The following HPS4 variants were observed in gnomAD, a reference collection of about 807,000 sequenced individuals.
The protein encoded by HPS4 is HPS4 biogenesis of lysosomal organelles complex 3 subunit 2, also known as BLOC-3 complex member HPS4.
A neutral mutation model predicts 70.3 loss-of-function variants in HPS4; 44 were observed. The ratio of observed to expected loss-of-function variants is 0.63; its 90% CI spans 0.49 to 0.80. HPS4 has a LOEUF of 0.80. HPS4 is among the 30% of genes least tolerant of loss of function. The pLI is 0.00. For synonymous variants in HPS4, 377 were observed against 355.9 expected (o/e 1.06, Z -0.67); for missense variants, 873 against 884.4 (o/e 0.99, Z 0.16).
rs1243622138 is a variant in HPS4 at position 26,451,105 on chromosome 22, C to T, written c.*2128G>A. ...TGGCACTCGGTGTCAACTAGGAGTC[C>T]AGGGTGGGCAGGCTGTCCTGCACAC... On this transcript the variant is annotated 3_prime_UTR_variant, in exon 14 of 14. Transcript: ENST00000398145. Among the ~76,000 whole-genome samples the T allele has an allele frequency of 6.6e-6, 1 of 152,168 alleles. No homozygotes were observed. Among genetic ancestry groups the T allele is most frequent in the African/African-American group, 2.4e-5 (1 of 41,432 alleles).
At position 26,464,840 on chromosome 22, in the gene HPS4, G is replaced by C. The variant is rs1348117942; in HGVS notation, c.804-14C>G. 6.3e-7 allele frequency: 1 copy of C among 1,585,744 alleles called. No individual in the cohort carries two copies. Among genetic ancestry groups the C allele is most frequent in the East Asian group, 2.2e-5 (1 of 44,828 alleles). On this transcript the variant is annotated splice_polypyrimidine_tract_variant and intron_variant, in intron 10 of 13. Coordinates refer to ENST00000398145, the MANE Select transcript of HPS4 (RefSeq NM_022081.6). ...GATGCTAGAGACCTGGCAAACAAGA[G>C]AGATGTAAGGAAGGGGCACGTTGAC...
chr22:26,476,424 C>T (rs1008534795), intron 4 of HPS4: 1 of 153,134 alleles, frequency 6.5e-6, no homozygotes, highest in African/African-American at 2.4e-5. Flanking sequence ...TCATGGCTCA[C>T]TGCAGCCTGA....
chr22:26,471,001 C>A, intron 6 of HPS4, 188 bp from the exon 7 acceptor site: 1 of 1,244,606 alleles, frequency 8.0e-7, no homozygotes, highest in Non-Finnish European at 1.1e-6. Flanking sequence ...CTCAGAACTG[C>A]TGACACCACT....
intron 11 of HPS4, among the ~76,000 whole-genome samples, chr22:26,461,250 ACT>A (rs1298086154): frequency 1.3e-5 from 2 of 152,130 alleles, no homozygotes; most frequent in African/African-American, 4.8e-5. Context: ...TTATGGCAAC[ACT>A]CTCACACTAA....
rs1284871015 is a variant in HPS4, at chr22:26,470,728, T to C, written c.587A>G (p.Tyr196Cys). 6.8e-6 allele frequency: 11 copies of C among 1,613,812 alleles called. No homozygotes were observed. Among genetic ancestry groups the C allele is most frequent in the African/African-American group, 1.3e-5 (1 of 74,906 alleles). The change falls in exon 7 of 14, where the codon TAT (tyrosine) becomes TGT (cysteine). Residue 196 changes from tyrosine to cysteine, a missense_variant. Coordinates refer to ENST00000398145, the MANE Select transcript of HPS4 (RefSeq NM_022081.6). ...SPHILAGCIL[Y>C]KGLIVSTQLP... ...GTCTGGAGTTACTCACAGTCCTTTA[T>C]AGAGGATGCAGCCAGCGAGAATGTG...
intron 11 of HPS4, 81 bp from the exon 12 acceptor site, chr22:26,458,658 T>TA (rs948074733): frequency 1.3e-3 from 1,867 of 1,425,692 alleles, no homozygotes; most frequent in African/African-American, 3.5e-3. Flanking sequence ...CAGACTTAGT[T>TA]AAAAAAAAAA....
chr22:26,470,631 G>C, intron 7 of HPS4, 88 bp downstream of exon 7: 1 of 1,314,952 alleles, frequency 7.6e-7, no homozygotes, highest in Non-Finnish European at 1.1e-6. Context: ...GCCAGAGACT[G>C]GGCTCCCCAC....
chr22:26,468,717 G>T, intron 7 of HPS4, 94 bp from the exon 8 acceptor site: 1 of 1,169,510 alleles, frequency 8.6e-7, no homozygotes, highest in Non-Finnish European at 1.3e-6. Flanking sequence ...TGTTGACGAG[G>T]ATCTTGGGGA....
At position 26,451,979 on chromosome 22, in the gene HPS4, CCACGTTACGCGCGCGCGCGCGCGCGCACA is replaced by C; in HGVS notation, c.*1225_*1253del. 3 of 172,812 alleles carry C rather than the reference CCACGTTACGCGCGCGCGCGCGCGCGCACA, an allele frequency of 1.7e-5. No homozygotes were observed. The South Asian group carries it at 2.8e-4, about 16-fold the overall frequency. 10.7% of individuals were successfully genotyped at this position (172,812 alleles called of 1,614,324 possible). Reference sequence around the variant, plus strand: ...CCAGGGAAGGAAAAGAGGGATGCGCCCACGTTACGCGCGCGCGCGCGCGCGCACACACACACACACACACACACACACAC... The same window carrying C: ...CCAGGGAAGGAAAAGAGGGATGCGCCCACACACACACACACACACACACAC... On this transcript the variant is annotated 3_prime_UTR_variant, in exon 14 of 14. Transcript: ENST00000398145.
intron 4 of HPS4, chr22:26,475,539 A>G (rs1162910177): frequency 6.6e-6 from 1 of 151,870 alleles, no homozygotes; most frequent in African/African-American, 2.4e-5. Context: ...TTTAGTACAG[A>G]CAGGGTTTCT....
downstream of HPS4, chr22:26,443,234 G>A (rs1360731774): frequency 6.3e-7 from 1 of 1,594,550 alleles, no homozygotes; most frequent in South Asian, 1.1e-5. Context: ...GAGTCGGCGA[G>A]AAGGGCCGAG....
At chr22:26,476,668 T>C (rs1385105864) in intron 4 of HPS4, 7 of 327,910 alleles carry the variant, frequency 2.1e-5, no homozygotes, top group Non-Finnish European at 4.1e-5. Flanking sequence ...ACCCAGTAAG[T>C]GTAGAGAGCA....
In HPS4 at chr22:26,466,187, C is replaced by A. The variant is rs739289; in HGVS notation, c.706+39G>T. 1,405,743 of 1,613,106 alleles carry A rather than the reference C, an allele frequency of 0.87. 616,054 individuals are homozygous for A. Among genetic ancestry groups the A allele is most frequent in the South Asian group, 0.9 (82,372 of 91,060 alleles). On this transcript the variant is annotated intron_variant, in intron 9 of 13. Transcript: ENST00000398145. ...TACAGGGGTAGGTAGCATAAAAGAC[C>A]GCCGTTCTCAAGAGGCAACCATGCG...
At chr22:26,474,824 A>G (rs1053573209) in intron 4 of HPS4, among the ~76,000 whole-genome samples, 3 of 152,240 alleles carry the variant, frequency 2.0e-5, no homozygotes, top group Non-Finnish European at 4.4e-5. Flanking sequence ...AAGCACATGA[A>G]AAGGCCTCAC....
At chr22:26,446,758 C>T (rs1208718185), downstream of HPS4, among the ~76,000 whole-genome samples, 1 of 152,116 alleles carries the variant, frequency 6.6e-6, no homozygotes, top group African/African-American at 2.4e-5. Context: ...TTTTTTGAGA[C>T]AGAGTCTCCT....
At chr22:26,466,404 C>T (rs372826485) in intron 8 of HPS4, 142 bp from the exon 9 acceptor site, 1 of 878,946 alleles carries the variant, frequency 1.1e-6, no homozygotes, top group Non-Finnish European at 1.8e-6. Flanking sequence ...AAGAGCCAAG[C>T]AGATGGAACA....
intron 13 of HPS4, among the ~76,000 whole-genome samples, chr22:26,455,052 G>GA (rs1209648754): frequency 5.3e-5 from 8 of 152,240 alleles, no homozygotes; most frequent in African/African-American, 1.7e-4. Flanking sequence ...ACATCAGTTA[G>GA]AATGGCGATC....
At chr22:26,456,230 A>G (rs1041702500) in intron 13 of HPS4, among the ~76,000 whole-genome samples, 5 of 152,208 alleles carry the variant, frequency 3.3e-5, no homozygotes, top group African/African-American at 9.6e-5. Context: ...ATGTGTGTGG[A>G]AAGGTCATAC....
rs386395106 is a variant in HPS4 at position 26,457,210 on chromosome 22, C to CCTTTTTTTTTTTTT, written c.1955+648_1955+649insAAAAAAAAAAAAAG. 2.3e-4 allele frequency among the ~76,000 whole-genome samples: 6 copies of CCTTTTTTTTTTTTT among 25,554 alleles called. 2 individuals carry two copies. Among genetic ancestry groups the CCTTTTTTTTTTTTT allele is most frequent in the Non-Finnish European group, 3.9e-4 (3 of 7,608 alleles). The allele number at this position is 25,554 out of a possible 152,430, so 16.8% of individuals were successfully genotyped here. On this transcript the variant is annotated intron_variant, in intron 13 of 13. Coordinates refer to ENST00000398145, the MANE Select transcript of HPS4 (RefSeq NM_022081.6). The stretch of plus-strand genomic sequence containing the variant: ...ATGACTGTATGATCAGCACGTATTA[C>CCTTTTTTTTTTTTT]TTTTTTTTTTTTTTTTTTTTTTCTG...
Sources: gnomAD v4.1 joint callset for allele counts (sites outside exome capture counted in the v4.1 genomes callset) on GRCh38, gnomAD v4.1.1 for gene constraint, MANE v1.5 for transcripts, NCBI Gene and HGNC (gene_info 2026-07-23, HGNC 2026-07-21) for gene names.